C1QTNF3: variants seen among roughly 807,000 people sequenced by gnomAD.
C1QTNF3 encodes the protein complement C1q tumor necrosis factor-related protein 3.
A neutral mutation model predicts 32.6 loss-of-function variants in C1QTNF3; 26 were observed. That is an observed-to-expected ratio of 0.80 (90% confidence interval 0.58 to 1.11). The LOEUF is 1.11. Among genes scored for constraint, C1QTNF3 ranks in the 50% least tolerant of loss-of-function variants. The probability of loss-of-function intolerance (pLI) is 0.00; values close to 1 mark genes in which losing one functional copy is unlikely to be tolerated. For synonymous variants in C1QTNF3, 155 were observed against 146.0 expected (o/e 1.06, Z -0.44); for missense variants, 362 against 398.2 (o/e 0.91, Z 0.77).
the C1QTNF3 span, among the ~76,000 whole-genome samples, chr5:34,213,777 G>GTATATATATA: frequency 3.8e-5 from 1 of 26,514 alleles, no homozygotes; most frequent in Non-Finnish European, 8.0e-5. Context: ...ACACATACGT[G>GTATATATATA]TATATATACA....
At chr5:34,079,150 C>T in the C1QTNF3 span, among the ~76,000 whole-genome samples, 5 of 151,446 alleles carry the variant, frequency 3.3e-5, no homozygotes, top group Non-Finnish European at 4.4e-5. Context: ...TCTAAGCCAC[C>T]AAGCTTGACT....
chr5:34,096,718 A>G, the C1QTNF3 span, among the ~76,000 whole-genome samples: 2 of 151,552 alleles, frequency 1.3e-5, no homozygotes, highest in Non-Finnish European at 2.9e-5. Context: ...AGATAGGAAC[A>G]AGCAAGTTAG....
upstream of C1QTNF3, among the ~76,000 whole-genome samples, chr5:34,047,312 T>C (rs1755003581): frequency 6.6e-6 from 1 of 152,218 alleles, no homozygotes; most frequent in African/African-American, 2.4e-5. Flanking sequence ...TGCATATGAA[T>C]ATACATGTAA....
chr5:34,118,614 C>T, the C1QTNF3 span, among the ~76,000 whole-genome samples: 3 of 151,318 alleles, frequency 2.0e-5, no homozygotes, highest in African/African-American at 7.3e-5. Context: ...TATTCCATTG[C>T]CTTCTGACAT....
At chr5:34,056,258 C>T in the C1QTNF3 span, among the ~76,000 whole-genome samples, 1 of 151,708 alleles carries the variant, frequency 6.6e-6, no homozygotes, top group African/African-American at 2.4e-5. Context: ...GGAACAGAGT[C>T]AATGTGTGCA....
the C1QTNF3 span, chr5:34,106,102 T>C: frequency 6.6e-6 from 1 of 151,620 alleles, no homozygotes; most frequent in Non-Finnish European, 1.5e-5. Flanking sequence ...ATAGATGATA[T>C]TAGCTATTTT....
chr5:34,244,567 C>G, the C1QTNF3 span: 10 of 152,106 alleles, frequency 6.6e-5, no homozygotes, highest in African/African-American at 2.4e-4. Context: ...TTCTCCAAGT[C>G]CCCACCAGAT....
chr5:34,098,380 C>T, the C1QTNF3 span, among the ~76,000 whole-genome samples: 1 of 151,908 alleles, frequency 6.6e-6, no homozygotes, highest in Admixed American at 6.6e-5. Flanking sequence ...GCCAGTCATT[C>T]ACACTGTTCA....
the C1QTNF3 span, among the ~76,000 whole-genome samples, chr5:34,123,673 A>G: frequency 6.6e-6 from 1 of 150,732 alleles, no homozygotes; most frequent in Non-Finnish European, 1.5e-5. Context: ...TTACTGGTTT[A>G]AGACACAGTT....
the C1QTNF3 span, among the ~76,000 whole-genome samples, chr5:34,103,804 A>G: frequency 5.3e-5 from 8 of 150,470 alleles, no homozygotes; most frequent in Non-Finnish European, 1.2e-4. Context: ...CCTGGGTGAC[A>G]AGAGCAAAAT....
At chr5:34,102,391 ATAAC>A in the C1QTNF3 span, among the ~76,000 whole-genome samples, 1 of 152,030 alleles carries the variant, frequency 6.6e-6, no homozygotes, top group Non-Finnish European at 1.5e-5. Context: ...TTCCAAGCCA[ATAAC>A]TATACTTTCA....
At chr5:34,027,053 A>G (rs1313006952) in intron 4 of C1QTNF3, among the ~76,000 whole-genome samples, 2 of 152,218 alleles carry the variant, frequency 1.3e-5, no homozygotes, top group Admixed American at 6.5e-5. Flanking sequence ...ATTTATTTTT[A>G]TAATTGCACT....
the C1QTNF3 span, among the ~76,000 whole-genome samples, chr5:34,196,660 A>AT: frequency 0.18 from 23,840 of 132,806 alleles, 180 homozygotes; most frequent in East Asian, 0.26. Flanking sequence ...TTAATTTTTA[A>AT]TTTTTTTTTT....
At chr5:34,206,724 A>G in the C1QTNF3 span, among the ~76,000 whole-genome samples, 12 of 146,714 alleles carry the variant, frequency 8.2e-5, no homozygotes, top group South Asian at 9.3e-4. Flanking sequence ...CTTTACAAAG[A>G]AACAGTAGCT....
chr5:34,236,969 A>G, the C1QTNF3 span, among the ~76,000 whole-genome samples: 1 of 152,128 alleles, frequency 6.6e-6, no homozygotes, highest in South Asian at 2.1e-4. Flanking sequence ...TTGGAAGTTT[A>G]ATTTGCAACA....
At chr5:34,160,784 G>T in the C1QTNF3 span, among the ~76,000 whole-genome samples, 1 of 151,978 alleles carries the variant, frequency 6.6e-6, no homozygotes, top group South Asian at 2.1e-4. Context: ...ATGACAGACT[G>T]ATAATAATCC....
the C1QTNF3 span, among the ~76,000 whole-genome samples, chr5:34,195,947 A>G: frequency 1.3e-5 from 2 of 152,304 alleles, no homozygotes; most frequent in Non-Finnish European, 2.9e-5. Context: ...TCATGAGAAT[A>G]GAGCCCCTGT....
chr5:34,234,039 T>C, the C1QTNF3 span, among the ~76,000 whole-genome samples: 2 of 152,150 alleles, frequency 1.3e-5, no homozygotes, highest in Non-Finnish European at 2.9e-5. Flanking sequence ...AAGAATCAAA[T>C]GAGATAAACA....
chr5:34,131,468 A>G, the C1QTNF3 span, among the ~76,000 whole-genome samples: 3 of 151,994 alleles, frequency 2.0e-5, no homozygotes, highest in African/African-American at 7.3e-5. Context: ...AATAGAAACT[A>G]TAAGAAGCAG....
Sources: allele counts gnomAD v4.1 joint callset (sites outside exome capture counted in the v4.1 genomes callset), GRCh38; gene constraint gnomAD v4.1.1; transcripts MANE v1.5; gene names NCBI Gene and HGNC (gene_info 2026-07-23, HGNC 2026-07-21).